CBFA2T2: variants seen among roughly 807,000 people sequenced by gnomAD.
CBFA2T2 encodes the protein protein CBFA2T2.
A neutral mutation model predicts 62.2 loss-of-function variants in CBFA2T2; 11 were observed. That is an observed-to-expected ratio of 0.18 (90% confidence interval 0.11 to 0.29). The LOEUF is 0.29. Among genes scored for constraint, CBFA2T2 ranks in the 10% least tolerant of loss-of-function variants. The pLI is 1.00. For synonymous variants in CBFA2T2, 295 were observed against 287.5 expected (o/e 1.03, Z -0.27); for missense variants, 592 against 774.1 (o/e 0.76, Z 2.79).
At chr20:33,594,435 T>C (rs954198339) in intron 1 of CBFA2T2, among the ~76,000 whole-genome samples, 10 of 152,152 alleles carry the variant, frequency 6.6e-5, no homozygotes, top group Non-Finnish European at 1.5e-4. Flanking sequence ...TTAGCCGGAA[T>C]GGTCTCGATC....
At chr20:33,503,862 T>G (rs1466511875) in intron 1 of CBFA2T2, among the ~76,000 whole-genome samples, 1 of 151,998 alleles carries the variant, frequency 6.6e-6, no homozygotes, top group Admixed American at 6.6e-5. Context: ...TTTTTTTTTT[T>G]GTCAGTGGGT....
At chr20:33,592,557 T>C (rs2014708095) in intron 1 of CBFA2T2, among the ~76,000 whole-genome samples, 1 of 151,776 alleles carries the variant, frequency 6.6e-6, no homozygotes, top group Non-Finnish European at 1.5e-5. Flanking sequence ...ATTCAGTTAG[T>C]CCTAAAAATT....
Position 33,645,236 on chromosome 20 carries a change from A to G in CBFA2T2, c.*590A>G, listed in dbSNP as rs939389002. On this transcript the variant is annotated 3_prime_UTR_variant, in exon 11 of 11. Transcript: ENST00000342704. Reference sequence around the variant, plus strand: ...CCACAGGAAAGAAGTCACTGTTGCAATAAAAGCACCCGTAGTAGCAAAAAC... The same window carrying G: ...CCACAGGAAAGAAGTCACTGTTGCAGTAAAAGCACCCGTAGTAGCAAAAAC... The G allele has an allele frequency of 2.7e-5, 4 of 149,516 alleles. No homozygotes were observed. The highest frequency in any genetic ancestry group is 1.3e-4 in the Admixed American group (2 of 14,906). The allele number at this position is 149,516 out of a possible 1,614,324, so 9.3% of individuals were successfully genotyped here. A position where few individuals can be genotyped will look rare whatever the true frequency, so the allele number is the denominator to read the frequency against.
At chr20:33,639,027 C>T (rs1299042520) in intron 9 of CBFA2T2, 3 of 152,242 alleles carry the variant, frequency 2.0e-5, no homozygotes, top group Non-Finnish European at 2.9e-5. Context: ...TCCACCTTCT[C>T]ACTTGCCTCC....
chr20:33,538,880 G>C (rs1192723671), intron 1 of CBFA2T2, among the ~76,000 whole-genome samples: 1 of 149,276 alleles, frequency 6.7e-6, no homozygotes, highest in Non-Finnish European at 1.5e-5. Context: ...ATGGCTTTCT[G>C]TGAGGTATTC....
At chr20:33,620,281 G>T (rs1397427122) in intron 4 of CBFA2T2, among the ~76,000 whole-genome samples, 1 of 152,032 alleles carries the variant, frequency 6.6e-6, no homozygotes, top group Non-Finnish European at 1.5e-5. Flanking sequence ...GCCAAGGCAG[G>T]TGGATTGCAT....
chr20:33,503,014 C>G (rs1426686827), intron 1 of CBFA2T2, among the ~76,000 whole-genome samples: 2 of 142,272 alleles, frequency 1.4e-5, no homozygotes, highest in Non-Finnish European at 3.0e-5. Flanking sequence ...TGGCGTGAAC[C>G]CGGGAGGCGG....
chr20:33,554,716 G>A (rs916774835), intron 1 of CBFA2T2, among the ~76,000 whole-genome samples: 4 of 148,324 alleles, frequency 2.7e-5, no homozygotes, highest in South Asian at 4.3e-4. Flanking sequence ...GAGCCACTGC[G>A]CCTGGCTGTT....
At chr20:33,550,145 AC>A (rs1366160809) in intron 1 of CBFA2T2, among the ~76,000 whole-genome samples, 1 of 152,172 alleles carries the variant, frequency 6.6e-6, no homozygotes. Context: ...ATAGGTGTAT[AC>A]CCCAAGTATG....
At chr20:33,617,936 T>C (rs1029618005) in intron 3 of CBFA2T2, among the ~76,000 whole-genome samples, 6 of 152,206 alleles carry the variant, frequency 3.9e-5, no homozygotes, top group African/African-American at 1.4e-4. Context: ...ATAACTGTTA[T>C]TGTGATTATT....
intron 1 of CBFA2T2, among the ~76,000 whole-genome samples, chr20:33,545,055 T>C (rs1039208755): frequency 1.3e-5 from 2 of 150,632 alleles, no homozygotes; most frequent in African/African-American, 4.9e-5. Flanking sequence ...CCAACTCTCA[T>C]GAAGCTTACA....
intron 10 of CBFA2T2, among the ~76,000 whole-genome samples, chr20:33,640,862 A>G (rs1419374929): frequency 1.3e-5 from 2 of 152,102 alleles, no homozygotes; most frequent in African/African-American, 4.8e-5. Flanking sequence ...GCATTGACGG[A>G]GTGGGCTTAC....
At chr20:33,554,704 G>A (rs2012845152) in intron 1 of CBFA2T2, among the ~76,000 whole-genome samples, 1 of 145,844 alleles carries the variant, frequency 6.9e-6, no homozygotes, top group Non-Finnish European at 1.5e-5. Flanking sequence ...GGTTACAGGT[G>A]TGAGCCACTG....
At chr20:33,585,480 A>C (rs1421068238) in intron 1 of CBFA2T2, among the ~76,000 whole-genome samples, 2 of 152,180 alleles carry the variant, frequency 1.3e-5, no homozygotes, top group African/African-American at 4.8e-5. Flanking sequence ...GATCCTTCAT[A>C]ATTACAATTT....
chr20:33,545,471 T>TTCTTTCTTTCTTTCTTTCTTTCTTTCTC, intron 1 of CBFA2T2, among the ~76,000 whole-genome samples: 1 of 150,292 alleles, frequency 6.7e-6, no homozygotes, highest in African/African-American at 2.5e-5. Flanking sequence ...CTTTCTTTCT[T>TTCTTTCTTTCTTTCTTTCTTTCTTTCTC]TCGTTCGTTT....
At chr20:33,535,961 T>G (rs1010975114) in intron 1 of CBFA2T2, among the ~76,000 whole-genome samples, 3 of 152,344 alleles carry the variant, frequency 2.0e-5, no homozygotes, top group African/African-American at 2.4e-5. Context: ...ACACAGCACA[T>G]GTTTCAGAGA....
Position 33,630,022 on chromosome 20 carries a change from A to G in CBFA2T2, c.1228+108A>G, listed in dbSNP as rs148968559. The stretch of plus-strand genomic sequence containing the variant: ...TGACTTTAAAGAAAGGTGGTACTCA[A>G]TTGTGGATTTAGGGAAACTCAGGTG... On this transcript the variant is annotated intron_variant, in intron 8 of 10. Coordinates refer to ENST00000342704, the MANE Select transcript of CBFA2T2 (RefSeq NM_001032999.3). The G allele has an allele frequency of 3.4e-4, 332 of 978,494 alleles. 1 individual carries two copies. The African/African-American group carries it at 4.9e-3, about 14-fold the overall frequency. 60.6% of individuals were successfully genotyped at this position (978,494 alleles called of 1,614,324 possible). A position where few individuals can be genotyped will look rare whatever the true frequency, so the allele number is the denominator to read the frequency against.
At chr20:33,576,594 T>G (rs2013836178) in intron 1 of CBFA2T2, among the ~76,000 whole-genome samples, 1 of 152,258 alleles carries the variant, frequency 6.6e-6, no homozygotes, top group African/African-American at 2.4e-5. Context: ...AGGTCTTTTT[T>G]TCATCTCTTG....
intron 1 of CBFA2T2, among the ~76,000 whole-genome samples, chr20:33,503,768 G>A (rs912293184): frequency 6.6e-6 from 1 of 151,948 alleles, no homozygotes; most frequent in Non-Finnish European, 1.5e-5. Context: ...CGAATCTCCT[G>A]CCTCGATCTC....
Sources: gnomAD v4.1 joint callset for allele counts (sites outside exome capture counted in the v4.1 genomes callset) on GRCh38, gnomAD v4.1.1 for gene constraint, MANE v1.5 for transcripts, NCBI Gene and HGNC (gene_info 2026-07-23, HGNC 2026-07-21) for gene names.